Variants in EFCAB6 observed in about 807,000 individuals in gnomAD.
EFCAB6 encodes the protein EF-hand calcium binding domain 6.
In EFCAB6, 156 loss-of-function variants were observed where a neutral mutation model predicts 169.8. The ratio of observed to expected loss-of-function variants is 0.92; its 90% confidence interval spans 0.81 to 1.05. The LOEUF (loss-of-function observed/expected upper bound fraction) is 1.05, where lower values mean the gene tolerates loss of function less well. Among genes scored for constraint, EFCAB6 ranks in the 50% least tolerant of loss-of-function variants. EFCAB6 has a pLI of 0.00. For synonymous variants in EFCAB6, 698 were observed against 676.4 expected, an observed-to-expected ratio of 1.03 and a Z score of -0.50; for missense variants, 1,800 against 1,829.1, an observed-to-expected ratio of 0.98 and a Z score of 0.29.
intron 31 of EFCAB6, among the ~76,000 whole-genome samples, chr22:43,529,591 A>G (rs1425856816): frequency 6.6e-6 from 1 of 152,194 alleles, no homozygotes; most frequent in Admixed American, 6.5e-5. Context: ...TAGAACATCC[A>G]GGAAGCCTCC....
chr22:43,630,854 A>AGATGGGTCTGCAGAGGGAAATGCTCTGTG (rs1569281064), intron 19 of EFCAB6, among the ~76,000 whole-genome samples: 1 of 152,174 alleles, frequency 6.6e-6, no homozygotes, highest in African/African-American at 2.4e-5. Flanking sequence ...GGATGAGATC[A>AGATGGGTCTGCAGAGGGAAATGCTCTGTG]TTAGGACCAA....
intron 8 of EFCAB6, among the ~76,000 whole-genome samples, chr22:43,721,487 A>G (rs2059523399): frequency 6.6e-6 from 1 of 152,204 alleles, no homozygotes; most frequent in East Asian, 1.9e-4. Context: ...CTACCCAACT[A>G]CAAACTATAC....
At chr22:43,716,650 A>G (rs967956805) in intron 9 of EFCAB6, 198 bp downstream of exon 9, 10 of 505,402 alleles carry the variant, frequency 2.0e-5, no homozygotes, top group Admixed American at 4.3e-5. Flanking sequence ...CTTAAAAATT[A>G]ATTTCACATC....
chr22:43,648,627 CG>C, intron 17 of EFCAB6, among the ~76,000 whole-genome samples: 1 of 152,184 alleles, frequency 6.6e-6, no homozygotes, highest in African/African-American at 2.4e-5. Context: ...ACCTGGGTGG[CG>C]GGATTATTCA....
chr22:43,749,685 G>C (rs73174362), intron 6 of EFCAB6, among the ~76,000 whole-genome samples: 7,168 of 152,104 alleles, frequency 0.047, 192 homozygotes, highest in African/African-American at 0.055. Context: ...TCTGGTTCCC[G>C]ACAGGCCACC....
Position 43,784,672 on chromosome 22 carries a change from T to C in EFCAB6, c.-7-2347A>G, listed in dbSNP as rs1052708596. Reference sequence around the variant, plus strand: ...ATATATGTGTATATATACATATACATATATACACACACACACACACACACA... The same window carrying C: ...ATATATGTGTATATATACATATACACATATACACACACACACACACACACA... On this transcript the variant is annotated intron_variant, in intron 2 of 31. Coordinates refer to ENST00000262726, the MANE Select transcript of EFCAB6 (RefSeq NM_022785.4). Among the ~76,000 whole-genome samples the C allele has an allele frequency of 9.6e-4, 41 of 42,910 alleles. 1 individual carries two copies. The highest frequency in any genetic ancestry group is 3.4e-3 in the African/African-American group (38 of 11,320). 28.2% of individuals were successfully genotyped at this position (42,910 alleles called of 152,430 possible). A position where few individuals can be genotyped will look rare whatever the true frequency, so the allele number is the denominator to read the frequency against.
At chr22:43,706,051 T>C (rs552134129) in intron 10 of EFCAB6, among the ~76,000 whole-genome samples, 2 of 152,198 alleles carry the variant, frequency 1.3e-5, no homozygotes, top group African/African-American at 2.4e-5. Flanking sequence ...ATACAAAGGA[T>C]CGTGAGACTA....
At chr22:43,782,143 C>A in intron 3 of EFCAB6, 37 bp downstream of exon 3, 1 of 1,591,592 alleles carries the variant, frequency 6.3e-7, no homozygotes, top group Non-Finnish European at 8.6e-7. Flanking sequence ...TAAGTGATAT[C>A]TACAGTTAGT....
chr22:43,810,638 T>C (rs990328209), intron 1 of EFCAB6, among the ~76,000 whole-genome samples: 2 of 152,178 alleles, frequency 1.3e-5, no homozygotes, highest in African/African-American at 4.8e-5. Flanking sequence ...TATAGAGATC[T>C]CTGTACAAGG....
chr22:43,723,007 C>T (rs1045709997), intron 8 of EFCAB6, among the ~76,000 whole-genome samples: 14 of 152,214 alleles, frequency 9.2e-5, no homozygotes, highest in South Asian at 4.2e-4. Flanking sequence ...AAACATTGAA[C>T]GAAGTTTATT....
intron 27 of EFCAB6, among the ~76,000 whole-genome samples, chr22:43,541,330 G>A (rs922897389): frequency 1.3e-5 from 2 of 152,208 alleles, no homozygotes; most frequent in Non-Finnish European, 2.9e-5. Context: ...TCGGGGTTGG[G>A]GGGTGCAAAG....
In EFCAB6 at chr22:43,628,381, C is replaced by T. The variant is rs2054673677; in HGVS notation, c.2233-1702G>A. Among the ~76,000 whole-genome samples, 1 of 152,120 alleles carries T rather than the reference C, an allele frequency of 6.6e-6. No individual in the cohort carries two copies. Among genetic ancestry groups the T allele is most frequent in the African/African-American group, 2.4e-5 (1 of 41,416 alleles). ...ACCCCCTCTCCCAGGCACACCACCT[C>T]GGCCCCCACCCAAGGTCGCTGGAGT... On this transcript the variant is annotated intron_variant, in intron 19 of 31. Coordinates refer to ENST00000262726, the MANE Select transcript of EFCAB6 (RefSeq NM_022785.4). The surrounding 1 kb of genome is among the most constrained non-coding windows in gnomAD (Gnocchi z 4.8).
At chr22:43,543,003 C>G (rs11703268) in intron 27 of EFCAB6, among the ~76,000 whole-genome samples, 42,196 of 152,018 alleles carry the variant, frequency 0.28, 6,081 homozygotes, top group African/African-American at 0.34. Flanking sequence ...CATGGGTTCC[C>G]ACTCTGCTTA....
Position 43,781,053 on chromosome 22 carries a change from G to C in EFCAB6, c.139+1127C>G, listed in dbSNP as rs767275583. On this transcript the variant is annotated intron_variant, in intron 3 of 31. Transcript: ENST00000262726. ...GTCTAGGGCGGGCCTTCTCTCAGGT[G>C]CATCTCTTTATTCTTAGCACCTATT... Among the ~76,000 whole-genome samples, 47 of 152,102 alleles carry C rather than the reference G, an allele frequency of 3.1e-4. 1 individual carries two copies. Among genetic ancestry groups the C allele is most frequent in the Admixed American group, 9.2e-4 (14 of 15,278 alleles).
chr22:43,684,047 G>A (rs372802001), intron 11 of EFCAB6, among the ~76,000 whole-genome samples, 192 bp from the exon 12 acceptor site: 5 of 152,128 alleles, frequency 3.3e-5, no homozygotes, highest in Admixed American at 2.6e-4. Context: ...GAGATGCCAC[G>A]AATGCAGGGT....
chr22:43,801,843 G>A (rs894988563), intron 2 of EFCAB6, among the ~76,000 whole-genome samples: 1 of 152,106 alleles, frequency 6.6e-6, no homozygotes. Flanking sequence ...GCAACAAAAT[G>A]GCAACAGTAA....
At chr22:43,746,261 C>A (rs369301894) in intron 6 of EFCAB6, among the ~76,000 whole-genome samples, 2 of 152,142 alleles carry the variant, frequency 1.3e-5, no homozygotes, top group African/African-American at 4.8e-5. Context: ...ATAGGCATAC[C>A]CTGCCTTTAC....
chr22:43,534,043 AG>A (rs1022435198), intron 30 of EFCAB6, among the ~76,000 whole-genome samples: 7 of 152,240 alleles, frequency 4.6e-5, no homozygotes, highest in Non-Finnish European at 1.0e-4. Context: ...GCTTGAGCCC[AG>A]GAGTTCAAGA....
chr22:43,730,281 A>AAGGAG (rs2147604637), intron 8 of EFCAB6, among the ~76,000 whole-genome samples: 2 of 90,088 alleles, frequency 2.2e-5, no homozygotes, highest in Non-Finnish European at 4.9e-5. Flanking sequence ...GGAGGGAGGG[A>AAGGAG]TGGAGGGAGG....
Sources: gnomAD v4.1 joint callset for allele counts (sites outside exome capture counted in the v4.1 genomes callset) on GRCh38, gnomAD v4.1.1 for gene constraint, Gnocchi (gnomAD v3.1) non-coding constraint, MANE v1.5 for transcripts, NCBI Gene and HGNC (gene_info 2026-07-23, HGNC 2026-07-21) for gene names.